SOX6: variants seen among roughly 807,000 people sequenced by gnomAD.
The protein encoded by SOX6 is SRY-box transcription factor 6.
A neutral mutation model predicts 97.8 loss-of-function variants in SOX6; 11 were observed. The observed-to-expected ratio is 0.11, with a 90% CI of 0.07 to 0.19. The LOEUF (loss-of-function observed/expected upper bound fraction) is 0.19. SOX6 is among the 10% of genes least tolerant of loss of function. The probability of loss-of-function intolerance (pLI) is 1.00; values close to 1 mark genes in which losing one functional copy is unlikely to be tolerated. For synonymous variants in SOX6, 360 were observed against 371.4 expected, an observed-to-expected ratio of 0.97 and a Z score of 0.35; for missense variants, 810 against 1,039.5, an observed-to-expected ratio of 0.78 and a Z score of 3.04.
intron 6 of SOX6, among the ~76,000 whole-genome samples, chr11:16,147,118 CAT>C (rs1850326610): frequency 6.6e-6 from 1 of 151,910 alleles, no homozygotes; most frequent in Non-Finnish European, 1.5e-5. Context: ...GTCCAACAAT[CAT>C]AGACTGGATT....
intron 3 of SOX6, among the ~76,000 whole-genome samples, chr11:16,662,110 C>G (rs1847770254): frequency 6.6e-6 from 1 of 152,154 alleles, no homozygotes; most frequent in Admixed American, 6.5e-5. Context: ...TTCTGTAACA[C>G]TCTTTCTTTC....
chr11:16,695,745 T>C (rs1284715234), intron 3 of SOX6, among the ~76,000 whole-genome samples: 1 of 152,072 alleles, frequency 6.6e-6, no homozygotes, highest in Non-Finnish European at 1.5e-5. Flanking sequence ...CTCCACTCTT[T>C]GGGAGACCTA....
intron 4 of SOX6, among the ~76,000 whole-genome samples, chr11:16,509,500 CT>C (rs1217462446): frequency 6.6e-6 from 1 of 151,866 alleles, no homozygotes; most frequent in Non-Finnish European, 1.5e-5. Flanking sequence ...ATGGAAACAC[CT>C]TTAATATAAC....
At chr11:16,434,612 C>T (rs1201729524) in intron 1 of SOX6, among the ~76,000 whole-genome samples, 1 of 152,130 alleles carries the variant, frequency 6.6e-6, no homozygotes, top group African/African-American at 2.4e-5. Flanking sequence ...GTATCTGTCT[C>T]ATCTTCCTCT....
intron 6 of SOX6, among the ~76,000 whole-genome samples, chr11:16,176,971 T>C (rs1388449574): frequency 1.3e-5 from 2 of 151,928 alleles, no homozygotes; most frequent in East Asian, 1.9e-4. Context: ...AGATTAAGCA[T>C]GCCCAAAGGT....
chr11:16,021,623 G>A (rs1855061625), intron 12 of SOX6, among the ~76,000 whole-genome samples: 1 of 151,964 alleles, frequency 6.6e-6, no homozygotes, highest in South Asian at 2.1e-4. Context: ...ATAGACTTTG[G>A]CTGGAGGAAA....
intron 1 of SOX6, among the ~76,000 whole-genome samples, chr11:16,458,797 A>G (rs1029712403): frequency 2.6e-5 from 4 of 152,040 alleles, no homozygotes; most frequent in South Asian, 2.1e-4. Flanking sequence ...GAGAAAGGTA[A>G]AACAAATGAA....
intron 3 of SOX6, among the ~76,000 whole-genome samples, chr11:16,661,535 C>A (rs1018614021): frequency 1.3e-5 from 2 of 152,040 alleles, no homozygotes; most frequent in Non-Finnish European, 2.9e-5. Context: ...TCTTTTCTGC[C>A]TTCCCTGGTC....
At chr11:16,275,345 TG>T (rs1284027299) in intron 3 of SOX6, among the ~76,000 whole-genome samples, 1 of 149,162 alleles carries the variant, frequency 6.7e-6, no homozygotes, top group African/African-American at 2.5e-5. Context: ...TCCCAGCTAC[TG>T]GGGAGGCTGA....
At chr11:16,019,763 G>C (rs1179560694) in intron 12 of SOX6, among the ~76,000 whole-genome samples, 1 of 152,128 alleles carries the variant, frequency 6.6e-6, no homozygotes, top group African/African-American at 2.4e-5. Context: ...AATGTGGAAT[G>C]ATAAGGAATT....
intron 1 of SOX6, among the ~76,000 whole-genome samples, chr11:16,463,107 G>A (rs957213990): frequency 2.0e-5 from 3 of 152,146 alleles, no homozygotes; most frequent in African/African-American, 7.2e-5. Flanking sequence ...AGATAAATTT[G>A]TAATTGAGAA....
At chr11:15,990,912 C>T (rs372897207) in intron 13 of SOX6, among the ~76,000 whole-genome samples, 1 of 152,080 alleles carries the variant, frequency 6.6e-6, no homozygotes, top group Non-Finnish European at 1.5e-5. Flanking sequence ...TTTTAGATAC[C>T]TTGGTTAAGT....
intron 4 of SOX6, among the ~76,000 whole-genome samples, chr11:16,565,286 A>G (rs1374798729): frequency 3.9e-5 from 6 of 152,162 alleles, no homozygotes; most frequent in African/African-American, 1.4e-4. Flanking sequence ...GAATAGCCCT[A>G]TAACTCTTAA....
At chr11:16,133,602 G>T (rs1356264396) in intron 6 of SOX6, among the ~76,000 whole-genome samples, 1 of 152,180 alleles carries the variant, frequency 6.6e-6, no homozygotes, top group Non-Finnish European at 1.5e-5. Context: ...AAAGACCTAA[G>T]GACAGATACT....
chr11:16,502,920 G>C (rs1860730369), intron 4 of SOX6, among the ~76,000 whole-genome samples: 1 of 152,136 alleles, frequency 6.6e-6, no homozygotes, highest in Non-Finnish European at 1.5e-5. Context: ...GTACATTATA[G>C]TCAAACTGTC....
chr11:16,532,393 G>A (rs1458056213), intron 4 of SOX6, among the ~76,000 whole-genome samples: 1 of 151,698 alleles, frequency 6.6e-6, no homozygotes, highest in East Asian at 1.9e-4. Context: ...CTTCTACACT[G>A]GGCTCTAAAT....
At chr11:16,355,401 T>C (rs1445910957) in intron 1 of SOX6, among the ~76,000 whole-genome samples, 1 of 152,102 alleles carries the variant, frequency 6.6e-6, no homozygotes, top group Non-Finnish European at 1.5e-5. Context: ...AAGCACTATT[T>C]TTAATGCACT....
chr11:16,317,291 TAA>T (rs1217518416), intron 3 of SOX6: 3 of 151,238 alleles, frequency 2.0e-5, no homozygotes, highest in East Asian at 1.9e-4. Flanking sequence ...GCCAAATGTA[TAA>T]GTTTATAGTT....
At position 16,341,013 on chromosome 11, in the gene SOX6, A is replaced by G; in HGVS notation, c.236T>C (p.Met79Thr). The change falls in exon 2 of 16, where the codon ATG (methionine) becomes ACG (threonine). Residue 79 changes from methionine to threonine, a missense_variant and splice_region_variant. Around this residue, in one of 9 missense-constraint regions of SOX6, gnomAD observed 100 missense variants for 94.6 expected, o/e 1.06. Coordinates refer to ENST00000683767, the MANE Select transcript of SOX6 (RefSeq NM_001367873.1). ...AGTGGTCAGATTTTAAAGGCTCACC[A>G]TTCTTTGCTGAGATGACAGAACGCT... ...WDSVLSSQQR[M>T]ESENNKLCSL... is the part of the protein sequence containing the mutation. The G allele has an allele frequency of 6.2e-7, 1 of 1,613,318 alleles. No individual in the cohort carries two copies. The highest frequency in any genetic ancestry group is 8.5e-7 in the Non-Finnish European group (1 of 1,179,446).
Sources: gnomAD v4.1 joint callset for allele counts (sites outside exome capture counted in the v4.1 genomes callset) on GRCh38, gnomAD v4.1.1 for gene constraint, gnomAD v4.1.1 regional missense constraint, MANE v1.5 for transcripts, NCBI Gene and HGNC (gene_info 2026-07-23, HGNC 2026-07-21) for gene names.